FSD1L: variants seen among roughly 807,000 people sequenced by gnomAD.
FSD1L encodes the protein fibronectin type III and SPRY domain containing 1 like, also known as FSD1-like protein.
A neutral mutation model predicts 71.6 loss-of-function variants in FSD1L; 45 were observed. The ratio of observed to expected loss-of-function variants is 0.63; its 90% confidence interval spans 0.49 to 0.81. FSD1L has a LOEUF of 0.81. Among genes scored for constraint, FSD1L ranks in the 30% least tolerant of loss-of-function variants. The pLI is 0.00. For missense variants in FSD1L, 561 were observed against 618.1 expected, an observed-to-expected ratio of 0.91 and a Z score of 0.98; for synonymous variants, 197 against 207.2, an observed-to-expected ratio of 0.95 and a Z score of 0.42.
chr9:105,464,204 A>G, intron 2 of FSD1L, 32 bp from the exon 3 acceptor site: 2 of 1,098,386 alleles, frequency 1.8e-6, no homozygotes, highest in Non-Finnish European at 2.7e-6. Context: ...TTCCATTGAA[A>G]TATAGTATTT....
rs1231761600 is a variant in FSD1L, at chr9:105,535,108, A to G, written c.1168A>G (p.Lys390Glu). The G allele has an allele frequency of 1.9e-6, 3 of 1,551,584 alleles. No individual in the cohort carries two copies. The African/African-American group carries it at 4.1e-5, about 21-fold the overall frequency. Residue 390 changes from lysine (K) to glutamate (E), a missense_variant, in exon 12 of 14, where the codon AAG becomes GAG. By Grantham distance (56) the Lys-to-Glu change is moderately conservative. Around this residue, in one of 3 missense-constraint regions of FSD1L, gnomAD observed 53 missense variants for 102.2 expected, o/e 0.52. Coordinates refer to ENST00000481272, the MANE Select transcript of FSD1L (RefSeq NM_001145313.3). ...IESGQHYWEVKAQKDCKSYSV... is the reference protein window; with the variant it reads ...IESGQHYWEVEAQKDCKSYSV... ...AAGTGGACAACATTATTGGGAGGTC[A>G]AGGCCCAGAAGGATTGTAAATCCTA...
At chr9:105,516,057 CA>C (rs1564131219) in intron 10 of FSD1L, among the ~76,000 whole-genome samples, 1 of 152,124 alleles carries the variant, frequency 6.6e-6, no homozygotes, top group Admixed American at 6.5e-5. Flanking sequence ...GTTTTCCCCT[CA>C]TAGTGTAAAC....
rs147410498 is a variant in FSD1L, at chr9:105,516,238, G to T, written c.1025+3302G>T. 2.6e-5 allele frequency among the ~76,000 whole-genome samples: 4 copies of T among 152,300 alleles called. No individual in the cohort carries two copies. The East Asian group carries it at 5.8e-4, about 22-fold the overall frequency. ...CCTATCTCCCTGGGACAGAGCCCCTGGGGGAAGGGGCAACTGTGGGTGCAG... is the reference window on the plus strand; with the variant it reads ...CCTATCTCCCTGGGACAGAGCCCCTTGGGGAAGGGGCAACTGTGGGTGCAG... On this transcript the variant is annotated intron_variant, in intron 10 of 13. Coordinates refer to ENST00000481272, the MANE Select transcript of FSD1L (RefSeq NM_001145313.3).
At chr9:105,444,323 T>C (rs1293081162), upstream of FSD1L, among the ~76,000 whole-genome samples, 1 of 152,202 alleles carries the variant, frequency 6.6e-6, no homozygotes, top group East Asian at 1.9e-4. Context: ...ATCGGTATGT[T>C]ACAGACGAGG....
upstream of FSD1L, among the ~76,000 whole-genome samples, chr9:105,443,971 A>G (rs1829587783): frequency 6.6e-6 from 1 of 152,156 alleles, no homozygotes; most frequent in Admixed American, 6.5e-5. Flanking sequence ...GAGTCTTCCC[A>G]GGCTGGGTGG....
chr9:105,477,943 T>C (rs755243631), intron 5 of FSD1L, among the ~76,000 whole-genome samples: 10 of 152,212 alleles, frequency 6.6e-5, no homozygotes, highest in Non-Finnish European at 1.2e-4. Flanking sequence ...TGCTGATCTC[T>C]TAAATCTCAG....
At chr9:105,533,462 GC>G (rs1258495277) in intron 10 of FSD1L, among the ~76,000 whole-genome samples, 9 of 58,900 alleles carry the variant, frequency 1.5e-4, no homozygotes, top group African/African-American at 5.6e-4. Context: ...TAGCCCTGTT[GC>G]CCAGGCTGGA....
Position 105,491,371 on chromosome 9 carries a change from G to T in FSD1L, c.586+6869G>T, listed in dbSNP as rs373095791. 3.4e-3 allele frequency among the ~76,000 whole-genome samples: 507 copies of T among 150,596 alleles called. 3 individuals carry two copies. Among genetic ancestry groups the T allele is most frequent in the African/African-American group, 0.012 (480 of 39,956 alleles). On this transcript the variant is annotated intron_variant, in intron 7 of 13. Transcript: ENST00000481272. ...TTTGTATCCTGAGACTTTGCTGAAG[G>T]TGCTTATCAGCTTAAGGAGATTTTG...
chr9:105,455,908 T>C (rs1417973200), intron 1 of FSD1L, among the ~76,000 whole-genome samples: 1 of 152,228 alleles, frequency 6.6e-6, no homozygotes, highest in African/African-American at 2.4e-5. Flanking sequence ...GCAGGGGCTC[T>C]AGATTTTTGT....
At chr9:105,526,114 C>T in intron 10 of FSD1L, 2 of 1,553,488 alleles carry the variant, frequency 1.3e-6, no homozygotes, top group Non-Finnish European at 1.8e-6. Context: ...CTTCTTTGGT[C>T]CCCTTTTTGA....
In FSD1L at chr9:105,473,940, C is replaced by T. The variant is rs112908945; in HGVS notation, c.441+1935C>T. On this transcript the variant is annotated intron_variant, in intron 5 of 13. Transcript: ENST00000481272. ...ATAAGTCACATTGTGGTTTAATATG[C>T]CACTTCGCTTATTCTTACTATTTGG... Among the ~76,000 whole-genome samples the T allele has an allele frequency of 9.2e-3, 1,402 of 152,304 alleles. 22 individuals are homozygous for T. Among genetic ancestry groups the T allele is most frequent in the African/African-American group, 0.032 (1,343 of 41,562 alleles).
chr9:105,479,204 A>C lies in FSD1L; in HGVS notation c.442-150A>C, dbSNP rs368109532. 2.0e-5 allele frequency: 12 copies of C among 600,538 alleles called. No homozygotes were observed. In the African/African-American group the frequency reaches 2.2e-4, roughly 11 times the overall value. The allele number at this position is 600,538 out of a possible 1,614,324, so 37.2% of individuals were successfully genotyped here. A position where few individuals can be genotyped will look rare whatever the true frequency, so the allele number is the denominator to read the frequency against. ...ACATGAAAGCTTATGTGAACTATAC[A>C]CATAAATTTTCTATAGTTTGTGTTT... is the stretch of plus-strand genomic sequence containing the variant. On this transcript the variant is annotated intron_variant, in intron 5 of 13. Coordinates refer to ENST00000481272, the MANE Select transcript of FSD1L (RefSeq NM_001145313.3).
At chr9:105,460,613 TTGAC>T (rs1451259064) in intron 1 of FSD1L, among the ~76,000 whole-genome samples, 1 of 149,394 alleles carries the variant, frequency 6.7e-6, no homozygotes, top group Non-Finnish European at 1.5e-5. Flanking sequence ...AAAAAAAAGA[TTGAC>T]TGTAATCTAA....
At chr9:105,527,538 C>G (rs1835588277) in intron 10 of FSD1L, among the ~76,000 whole-genome samples, 1 of 151,930 alleles carries the variant, frequency 6.6e-6, no homozygotes, top group African/African-American at 2.4e-5. Context: ...GAATGGGCAT[C>G]TCCTGAGGAA....
chr9:105,477,395 A>C lies in FSD1L; in HGVS notation c.442-1959A>C, dbSNP rs142915188. Among the ~76,000 whole-genome samples, 1,216 of 152,364 alleles carry C rather than the reference A, an allele frequency of 8.0e-3. 11 individuals are homozygous for C. Among genetic ancestry groups the C allele is most frequent in the Middle Eastern group, 0.02 (6 of 294 alleles). Reference sequence around the variant, plus strand: ...ATTAGACAGACAAATTCACCCAGGCATGATCAGCAGGGGCTGCCTCAGGTG... The same window carrying C: ...ATTAGACAGACAAATTCACCCAGGCCTGATCAGCAGGGGCTGCCTCAGGTG... On this transcript the variant is annotated intron_variant, in intron 5 of 13. Transcript: ENST00000481272.
chr9:105,463,295 G>C (rs139397348), intron 2 of FSD1L, among the ~76,000 whole-genome samples: 326 of 152,206 alleles, frequency 2.1e-3, no homozygotes, highest in Non-Finnish European at 3.3e-3. Flanking sequence ...AAGCTCATAG[G>C]TGCTTACAGA....
At chr9:105,481,737 A>G (rs1242724960) in intron 6 of FSD1L, among the ~76,000 whole-genome samples, 4 of 152,062 alleles carry the variant, frequency 2.6e-5, no homozygotes, top group Admixed American at 6.5e-5. Flanking sequence ...AGTCATAATA[A>G]AATAATTACT....
intron 1 of FSD1L, among the ~76,000 whole-genome samples, chr9:105,457,678 C>T (rs1031736872): frequency 4.6e-5 from 7 of 152,210 alleles, no homozygotes; most frequent in African/African-American, 1.7e-4. Flanking sequence ...CTTGTTCTGC[C>T]CACTTGGCCT....
rs1837055723 is a variant in FSD1L, at chr9:105,547,165, T to C, written c.*682T>C. On this transcript the variant is annotated 3_prime_UTR_variant, in exon 14 of 14. Coordinates refer to ENST00000481272, the MANE Select transcript of FSD1L (RefSeq NM_001145313.3). Reference sequence around the variant, plus strand: ...ACTGCACTAACAATGGCAAGGGGGGTATTCTTTATATGTTGCCTTGTTTAA... The same window carrying C: ...ACTGCACTAACAATGGCAAGGGGGGCATTCTTTATATGTTGCCTTGTTTAA... 6.6e-6 allele frequency: 1 copy of C among 152,176 alleles called. No individual in the cohort carries two copies. Among genetic ancestry groups the C allele is most frequent in the Admixed American group, 6.6e-5 (1 of 15,216 alleles). The allele number at this position is 152,176 out of a possible 1,614,324, so 9.4% of individuals were successfully genotyped here. A position where few individuals can be genotyped will look rare whatever the true frequency, so the allele number is the denominator to read the frequency against.
Sources: gnomAD v4.1 joint callset for allele counts (sites outside exome capture counted in the v4.1 genomes callset) on GRCh38, gnomAD v4.1.1 for gene constraint, gnomAD v4.1.1 regional missense constraint, MANE v1.5 for transcripts, NCBI Gene and HGNC (gene_info 2026-07-23, HGNC 2026-07-21) for gene names.